ZC3H14: variants seen among roughly 807,000 people sequenced by gnomAD.
The protein encoded by ZC3H14 is zinc finger CCCH-type containing 14.
Under a neutral mutation model 92.4 loss-of-function variants are expected in ZC3H14, and 31 were observed. That is an observed-to-expected ratio of 0.34 (90% CI 0.25 to 0.45). The LOEUF is 0.45. ZC3H14 is among the 20% of genes least tolerant of loss of function. The pLI is 1.00. For missense variants in ZC3H14, 781 were observed against 897.3 expected (o/e 0.87, Z 1.66); for synonymous variants, 321 against 300.9 (o/e 1.07, Z -0.69).
chr14:88,604,598 T>TG (rs1491206985), intron 12 of ZC3H14, among the ~76,000 whole-genome samples: 2 of 94,534 alleles, frequency 2.1e-5, no homozygotes, highest in Non-Finnish European at 2.9e-5. Context: ...TTGCTTTCTT[T>TG]GTTTTTTTTT....
intron 10 of ZC3H14, among the ~76,000 whole-genome samples, chr14:88,601,316 T>A (rs958491609): frequency 6.6e-6 from 1 of 152,206 alleles, no homozygotes; most frequent in African/African-American, 2.4e-5. Flanking sequence ...GGGTTGTAGG[T>A]CTTGGCATAT....
intron 13 of ZC3H14, chr14:88,608,112 T>TATCATCTCACCCTGC: frequency 2.7e-6 from 1 of 365,384 alleles, no homozygotes; most frequent in Non-Finnish European, 5.1e-6. Context: ...ACCCTGCAAG[T>TATCATCTCACCCTGC]GAGTACCATC....
At chr14:88,570,964 A>T (rs1044434049) in intron 3 of ZC3H14, 120 bp from the exon 4 acceptor site, 1 of 772,466 alleles carries the variant, frequency 1.3e-6, no homozygotes, top group Non-Finnish European at 1.8e-6. Context: ...TAAAAATAAT[A>T]AAAATATAAA....
intron 9 of ZC3H14, among the ~76,000 whole-genome samples, chr14:88,580,796 A>T (rs1171986187): frequency 6.6e-6 from 1 of 152,224 alleles, no homozygotes; most frequent in Non-Finnish European, 1.5e-5. Flanking sequence ...ATGAAATTTT[A>T]AAAAGAAAAA....
At chr14:88,603,152 C>T (rs2084884521) in intron 12 of ZC3H14, 92 bp downstream of exon 12, 4 of 1,266,348 alleles carry the variant, frequency 3.2e-6, no homozygotes, top group Admixed American at 1.9e-5. Context: ...GGTTAAAGGC[C>T]TTGCTTTTAT....
At position 88,611,573 on chromosome 14, in the gene ZC3H14, A is replaced by G. The variant is rs201511261; in HGVS notation, c.2205-172A>G. ...AGAAAATTTAATTACATATGGTATT[A>G]TCTTTTATCTACCTGACATAATTGA... is the stretch of plus-strand genomic sequence containing the variant. On this transcript the variant is annotated intron_variant, in intron 16 of 16. Transcript: ENST00000251038. Among the ~76,000 whole-genome samples the G allele has an allele frequency of 5.3e-5, 8 of 152,366 alleles. No individual in the cohort carries two copies. In the East Asian group the frequency reaches 1.5e-3, roughly 29 times the overall value.
chr14:88,604,446 C>G (rs571687711), intron 12 of ZC3H14, among the ~76,000 whole-genome samples: 4 of 152,194 alleles, frequency 2.6e-5, no homozygotes, highest in South Asian at 4.1e-4. Flanking sequence ...GCACCACTTC[C>G]CCTGTGAGCA....
chr14:88,573,220 A>T (rs1248775574), intron 6 of ZC3H14, among the ~76,000 whole-genome samples: 2 of 151,754 alleles, frequency 1.3e-5, no homozygotes, highest in African/African-American at 4.8e-5. Flanking sequence ...CTCTACTAAA[A>T]ATACAAAAAA....
chr14:88,621,109 T>G lies in ZC3H14; in HGVS notation c.*9358T>G. 6.2e-7 allele frequency: 1 copy of G among 1,613,072 alleles called. No homozygotes were observed. The highest frequency in any genetic ancestry group is 8.5e-7 in the Non-Finnish European group (1 of 1,179,568). On this transcript the variant is annotated 3_prime_UTR_variant, in exon 17 of 17. Coordinates refer to ENST00000251038, the MANE Select transcript of ZC3H14 (RefSeq NM_024824.5). ...CCTCTTTTAAAAAAATTATCTGTAC[T>G]TACTTTATCAGCAATATCCCAAAGT...
intron 10 of ZC3H14, among the ~76,000 whole-genome samples, chr14:88,597,705 T>G (rs1223923164): frequency 6.6e-6 from 1 of 152,210 alleles, no homozygotes; most frequent in Non-Finnish European, 1.5e-5. Flanking sequence ...TCAGACATTC[T>G]CTGCCCGTGA....
At position 88,627,089 on chromosome 14, in the gene ZC3H14, AAGCT is replaced by A. The variant is rs768539909; in HGVS notation, c.*15340_*15343del. ...AATTATCTAGGTTATTACAAGAACC[AAGCT>A]AATCAACAGCATCAAACAAATATGT... On this transcript the variant is annotated 3_prime_UTR_variant, in exon 17 of 17. Transcript: ENST00000251038. 1 of 1,588,270 alleles carries A rather than the reference AAGCT, an allele frequency of 6.3e-7. No homozygotes were observed. The highest frequency in any genetic ancestry group is 2.2e-5 in the East Asian group (1 of 44,760).
chr14:88,581,033 A>T (rs191285373), intron 9 of ZC3H14, among the ~76,000 whole-genome samples: 15 of 152,294 alleles, frequency 9.8e-5, no homozygotes, highest in African/African-American at 3.4e-4. Flanking sequence ...AAATTCAGAG[A>T]CTCATTCCCA....
At chr14:88,589,585 A>G (rs531516521) in intron 9 of ZC3H14, 13 of 152,258 alleles carry the variant, frequency 8.5e-5, no homozygotes, top group Admixed American at 5.2e-4. Context: ...AACTTGTCCA[A>G]AGCTCAACTA....
intron 9 of ZC3H14, among the ~76,000 whole-genome samples, chr14:88,581,062 T>G (rs532197209): frequency 6.6e-6 from 1 of 152,186 alleles, no homozygotes; most frequent in Non-Finnish European, 1.5e-5. Flanking sequence ...TCTTAGGAAA[T>G]CTAATGGAGG....
At chr14:88,591,892 A>G (rs907928823) in intron 9 of ZC3H14, 4 of 152,196 alleles carry the variant, frequency 2.6e-5, no homozygotes, top group African/African-American at 7.2e-5. Context: ...CAGACTACCG[A>G]AGGTGCAGAC....
chr14:88,622,861 C>A lies in ZC3H14; in HGVS notation c.*11110C>A. The A allele has an allele frequency of 2.0e-6, 1 of 511,472 alleles. No individual in the cohort carries two copies. Among genetic ancestry groups the A allele is most frequent in the South Asian group, 4.4e-5 (1 of 22,680 alleles). 31.7% of individuals were successfully genotyped at this position (511,472 alleles called of 1,614,324 possible). On this transcript the variant is annotated 3_prime_UTR_variant, in exon 17 of 17. Transcript: ENST00000251038. ...AATTTACCTCTAATATTCTTGTAAACTTTCTATGGCAATTTGAGGATATAC... is the reference window on the plus strand; with the variant it reads ...AATTTACCTCTAATATTCTTGTAAAATTTCTATGGCAATTTGAGGATATAC...
chr14:88,600,799 A>G (rs1245001044), intron 10 of ZC3H14, among the ~76,000 whole-genome samples: 2 of 152,120 alleles, frequency 1.3e-5, no homozygotes, highest in Non-Finnish European at 2.9e-5. Context: ...TCACTGAGAC[A>G]TAGAAGAACC....
chr14:88,626,616 CAAA>C lies in ZC3H14; in HGVS notation c.*14878_*14880del, dbSNP rs34372433. Reference sequence around the variant, plus strand: ...CAGGCGACAGAGTGAGATACTGTGTCAAAAAAAAAAAAAAATCCTTTTCCCCCT... The same window carrying C: ...CAGGCGACAGAGTGAGATACTGTGTCAAAAAAAAAAAATCCTTTTCCCCCT... On this transcript the variant is annotated 3_prime_UTR_variant, in exon 17 of 17. Coordinates refer to ENST00000251038, the MANE Select transcript of ZC3H14 (RefSeq NM_024824.5). The C allele has an allele frequency of 1.6e-3, 754 of 473,060 alleles. No homozygotes were observed. Among genetic ancestry groups the C allele is most frequent in the South Asian group, 2.1e-3 (86 of 40,452 alleles). The allele number at this position is 473,060 out of a possible 1,614,324, so 29.3% of individuals were successfully genotyped here. A position where few individuals can be genotyped will look rare whatever the true frequency, so the allele number is the denominator to read the frequency against.
rs1455185810 is a variant in ZC3H14, at chr14:88,622,212, T to G, written c.*10461T>G. On this transcript the variant is annotated 3_prime_UTR_variant, in exon 17 of 17. Transcript: ENST00000251038. ...TGCCACCAAGAATGACAGAATTTCATTATTTTTTATGGCTGAGTAGTATTT... is the reference window on the plus strand; with the variant it reads ...TGCCACCAAGAATGACAGAATTTCAGTATTTTTTATGGCTGAGTAGTATTT... 2.3e-5 allele frequency: 4 copies of G among 174,618 alleles called. No individual in the cohort carries two copies. The highest frequency in any genetic ancestry group is 9.4e-5 in the African/African-American group (4 of 42,344). 10.8% of individuals were successfully genotyped at this position (174,618 alleles called of 1,614,324 possible). A position where few individuals can be genotyped will look rare whatever the true frequency, so the allele number is the denominator to read the frequency against.
Sources: allele counts gnomAD v4.1 joint callset (sites outside exome capture counted in the v4.1 genomes callset), GRCh38; gene constraint gnomAD v4.1.1; transcripts MANE v1.5; gene names NCBI Gene and HGNC (gene_info 2026-07-23, HGNC 2026-07-21).